Variants in RHCG observed in about 807,000 individuals in gnomAD.
The protein encoded by RHCG is Rh family C glycoprotein.
In RHCG, 39 loss-of-function variants were observed where a neutral mutation model predicts 55.3. The observed-to-expected ratio is 0.70, with a 90% confidence interval of 0.55 to 0.92. RHCG has a LOEUF of 0.92. Ranked by LOEUF, RHCG falls within the 40% of genes least tolerant of loss-of-function variation. RHCG has a pLI of 0.00. For synonymous variants in RHCG, 250 were observed against 246.8 expected, an observed-to-expected ratio of 1.01 and a Z score of -0.12; for missense variants, 635 against 627.9, an observed-to-expected ratio of 1.01 and a Z score of -0.12.
chr15:89,494,441 A>C (rs1435281728), intron 1 of RHCG, among the ~76,000 whole-genome samples: 1 of 152,126 alleles, frequency 6.6e-6, no homozygotes. Flanking sequence ...GTGTCCTCTG[A>C]TGATGATAAA....
At chr15:89,486,609 T>A (rs1259819943) in intron 2 of RHCG, 190 bp downstream of exon 2, 189 of 520,634 alleles carry the variant, frequency 3.6e-4, no homozygotes, top group East Asian at 2.3e-3. Context: ...AGTGTGTGTG[T>A]GTGTGTGTGT....
chr15:89,475,304 C>T (rs887089650), intron 9 of RHCG, among the ~76,000 whole-genome samples: 3 of 151,958 alleles, frequency 2.0e-5, no homozygotes, highest in Non-Finnish European at 2.9e-5. Flanking sequence ...GGCGCAATCA[C>T]AGCTCACTGC....
In RHCG at chr15:89,483,236, G is replaced by A; in HGVS notation, c.372-19C>T. ...GATGAGGCTGTGGGGAGACAGGCCAGTGGAGAAGCTGGGGCAATAGCAAAA... is the reference window on the plus strand; with the variant it reads ...GATGAGGCTGTGGGGAGACAGGCCAATGGAGAAGCTGGGGCAATAGCAAAA... On this transcript the variant is annotated intron_variant, in intron 2 of 10. Transcript: ENST00000268122. 6.6e-7 allele frequency: 1 copy of A among 1,520,032 alleles called. No individual in the cohort carries two copies. Among genetic ancestry groups the A allele is most frequent in the Non-Finnish European group, 9.0e-7 (1 of 1,115,310 alleles). The allele number at this position is 1,520,032 out of a possible 1,614,324, so 94.2% of individuals were successfully genotyped here. A position where few individuals can be genotyped will look rare whatever the true frequency, so the allele number is the denominator to read the frequency against.
intron 5 of RHCG, among the ~76,000 whole-genome samples, chr15:89,478,189 C>A (rs1289502299): frequency 6.6e-6 from 1 of 152,194 alleles, no homozygotes; most frequent in Non-Finnish European, 1.5e-5. Context: ...CACATGCCAC[C>A]CATCCCGCCT....
intron 1 of RHCG, among the ~76,000 whole-genome samples, chr15:89,493,290 G>A (rs2141903887): frequency 6.6e-6 from 1 of 152,326 alleles, no homozygotes; most frequent in South Asian, 2.1e-4. Context: ...ACTGCCCTCA[G>A]CGGTTCACCC....
In RHCG at chr15:89,477,807, A is replaced by G. The variant is rs765863044; in HGVS notation, c.975+30T>C. On this transcript the variant is annotated intron_variant, in intron 6 of 10. Coordinates refer to ENST00000268122, the MANE Select transcript of RHCG (RefSeq NM_016321.3). The surrounding 1 kb of genome is among the most constrained non-coding windows in gnomAD (Gnocchi z 4.5). ...GAACACAAAGACCTCAGCATTCTCT[A>G]GCCCCCAGCCCCTTGCCTGGGGCAC... The G allele has an allele frequency of 1.7e-5, 27 of 1,613,232 alleles. No homozygotes were observed. Among genetic ancestry groups the G allele is most frequent in the Non-Finnish European group, 2.1e-5 (25 of 1,179,660 alleles).
intron 3 of RHCG, among the ~76,000 whole-genome samples, chr15:89,481,470 G>A (rs944239017): frequency 2.0e-5 from 3 of 151,864 alleles, no homozygotes; most frequent in African/African-American, 7.3e-5. Flanking sequence ...AAAAAGAGGG[G>A]ATACGCATAC....
intron 5 of RHCG, among the ~76,000 whole-genome samples, chr15:89,478,330 A>G (rs535473599): frequency 3.4e-4 from 52 of 152,286 alleles, no homozygotes; most frequent in African/African-American, 1.2e-3. Context: ...CTTGCCATGG[A>G]TGCAAGTCCA....
At chr15:89,486,640 G>T in intron 2 of RHCG, 159 bp downstream of exon 2, 2 of 594,576 alleles carry the variant, frequency 3.4e-6, no homozygotes, top group Non-Finnish European at 3.2e-6. Flanking sequence ...GTGTGTGTGT[G>T]TGTATCTGTC....
Position 89,472,785 on chromosome 15 carries a change from G to T in RHCG, c.1390C>A (p.Pro464Thr). ...GCCATGGGTAGTGGGGACACCATGG[G>T]TACTGAGGGTACTGAGGGTCCTGAG... ...KPSGPSVPSV[P>T]MVSPLPMASS... The change falls in exon 10 of 11, where the codon CCC (proline) becomes ACC (threonine). Residue 464 changes from proline to threonine, a missense_variant. Physicochemically the swap from Pro to Thr is conservative, Grantham distance 38. Transcript: ENST00000268122. The T allele has an allele frequency of 2.6e-6, 4 of 1,564,802 alleles. No homozygotes were observed. The highest frequency in any genetic ancestry group is 3.5e-6 in the Non-Finnish European group (4 of 1,154,426).
chr15:89,493,455 G>A (rs1000147307), intron 1 of RHCG, among the ~76,000 whole-genome samples: 15 of 152,214 alleles, frequency 9.9e-5, no homozygotes, highest in South Asian at 4.1e-4. Flanking sequence ...AGCTACCCTC[G>A]GGCCAAGCCA....
At chr15:89,479,247 G>T in intron 5 of RHCG, 75 bp downstream of exon 5, 1 of 1,501,692 alleles carries the variant, frequency 6.7e-7, no homozygotes, top group Non-Finnish European at 9.0e-7. Flanking sequence ...CCTCAGAGGT[G>T]TTGGCAAGGC....
rs538944209 is a variant in RHCG at position 89,474,864 on chromosome 15, T to G, written c.1311+1891A>C. Among the ~76,000 whole-genome samples, 664 of 119,006 alleles carry G rather than the reference T, an allele frequency of 5.6e-3. 7 individuals carry two copies. Among genetic ancestry groups the G allele is most frequent in the Middle Eastern group, 0.017 (4 of 240 alleles). 78.1% of individuals were successfully genotyped at this position (119,006 alleles called of 152,430 possible). On this transcript the variant is annotated intron_variant, in intron 9 of 10. Transcript: ENST00000268122. ...TTCCTTCCTGCCTGCCTGCCTTCCTTCCTGCCTGCCTTCCTTCCTGCCTGC... is the reference window on the plus strand; with the variant it reads ...TTCCTTCCTGCCTGCCTGCCTTCCTGCCTGCCTGCCTTCCTTCCTGCCTGC...
rs1170295070 is a variant in RHCG at position 89,496,487 on chromosome 15, C to T, written c.58G>A (p.Val20Met). 1.9e-6 allele frequency: 3 copies of T among 1,613,734 alleles called. No homozygotes were observed. Among genetic ancestry groups the T allele is most frequent in the African/African-American group, 2.7e-5 (2 of 74,954 alleles). The change falls in exon 1 of 11, where the codon GTG (valine) becomes ATG (methionine). Residue 20 changes from valine (V) to methionine (M), a missense_variant. By Grantham distance (21) the Val-to-Met change is conservative. Coordinates refer to ENST00000268122, the MANE Select transcript of RHCG (RefSeq NM_016321.3). ...ACCCCGAAGAGAATCACCATAATCA[C>T]CTGCAGGAGCAGGCAGGTGAGCGGC... The part of the protein sequence containing the change: ...RLPLTCLLLQ[V>M]IMVILFGVFV...
chr15:89,476,876 G>T, intron 8 of RHCG, 48 bp from the exon 9 acceptor site: 1 of 1,566,558 alleles, frequency 6.4e-7, no homozygotes, highest in Non-Finnish European at 8.8e-7. Flanking sequence ...CCTTCTCTCT[G>T]CTCACCCCAG....
chr15:89,479,283 A>G (rs1368005262), intron 5 of RHCG, 39 bp downstream of exon 5: 2 of 1,588,570 alleles, frequency 1.3e-6, no homozygotes, highest in South Asian at 2.3e-5. Context: ...CTCCAGGCCC[A>G]GGCAGTCAGA....
At chr15:89,473,242 G>C (rs976345077) in intron 9 of RHCG, among the ~76,000 whole-genome samples, 1 of 152,198 alleles carries the variant, frequency 6.6e-6, no homozygotes, top group Admixed American at 6.5e-5. Flanking sequence ...TGGAGTAAGG[G>C]GCAGAGGCGG....
At position 89,477,669 on chromosome 15, in the gene RHCG, G is replaced by A. The variant is rs755624652; in HGVS notation, c.976-16C>T. ...CCAGGAATGGCTGGAGACGGGAGGTGGGTGCTGCTCAGGCCGGGGGCTGCA... is the reference window on the plus strand; with the variant it reads ...CCAGGAATGGCTGGAGACGGGAGGTAGGTGCTGCTCAGGCCGGGGGCTGCA... On this transcript the variant is annotated splice_polypyrimidine_tract_variant and intron_variant, in intron 6 of 10. Coordinates refer to ENST00000268122, the MANE Select transcript of RHCG (RefSeq NM_016321.3). This position sits in a 1 kb window ranked among gnomAD's most constrained non-coding sequence, Gnocchi z 4.5. 1.2e-6 allele frequency: 2 copies of A among 1,613,854 alleles called. No individual in the cohort carries two copies. Among genetic ancestry groups the A allele is most frequent in the East Asian group, 2.2e-5 (1 of 44,854 alleles).
At chr15:89,488,392 A>T (rs995248109) in intron 1 of RHCG, among the ~76,000 whole-genome samples, 2 of 152,192 alleles carry the variant, frequency 1.3e-5, no homozygotes, top group African/African-American at 4.8e-5. Flanking sequence ...TATGCACAGG[A>T]CGTTTGCATT....
Sources: gnomAD v4.1 joint callset for allele counts (sites outside exome capture counted in the v4.1 genomes callset) on GRCh38, gnomAD v4.1.1 for gene constraint, Gnocchi (gnomAD v3.1) non-coding constraint, MANE v1.5 for transcripts, NCBI Gene and HGNC (gene_info 2026-07-23, HGNC 2026-07-21) for gene names.